The following USP13 variants were observed in gnomAD, a reference collection of about 807,000 sequenced individuals.
USP13 encodes ubiquitin specific peptidase 13, also known as ubiquitin carboxyl-terminal hydrolase 13.
USP13 carries 68 observed loss-of-function variants against 107.8 expected under a neutral mutation model. The ratio of observed to expected loss-of-function variants is 0.63; its 90% CI spans 0.52 to 0.77. The LOEUF (loss-of-function observed/expected upper bound fraction) is 0.77. Among genes scored for constraint, USP13 ranks in the 30% least tolerant of loss-of-function variants. The pLI, the probability that USP13 is intolerant of heterozygous loss-of-function variation, is 0.00. For missense variants in USP13, 945 were observed against 1,093.3 expected, an observed-to-expected ratio of 0.86 and a Z score of 1.91; for synonymous variants, 377 against 389.5, an observed-to-expected ratio of 0.97 and a Z score of 0.38.
intron 6 of USP13, among the ~76,000 whole-genome samples, chr3:179,712,195 T>G (rs1010614368): frequency 6.6e-6 from 1 of 152,246 alleles, no homozygotes; most frequent in African/African-American, 2.4e-5. Flanking sequence ...ATCTTTCGTT[T>G]TCTAGAAGCT....
At position 179,776,435 on chromosome 3, in the gene USP13, A is replaced by G. The variant is rs113448056; in HGVS notation, c.2414-5304A>G. 5.7e-3 allele frequency among the ~76,000 whole-genome samples: 874 copies of G among 152,308 alleles called. 4 individuals are homozygous for G. The highest frequency in any genetic ancestry group is 9.3e-3 in the Non-Finnish European group (633 of 68,032). ...ACTCTTTTTAAACAGTCCTTTCTCA[A>G]ATAACAAAATCAAAGAGTACAATTG... On this transcript the variant is annotated intron_variant, in intron 19 of 20. Coordinates refer to ENST00000263966, the MANE Select transcript of USP13 (RefSeq NM_003940.3).
chr3:179,764,881 A>C (rs1042074874), intron 18 of USP13, among the ~76,000 whole-genome samples: 1 of 152,186 alleles, frequency 6.6e-6, no homozygotes, highest in Admixed American at 6.5e-5. Flanking sequence ...TCCGTTGCTG[A>C]GGTCACAGTG....
In USP13 at chr3:179,690,228, G is replaced by A; in HGVS notation, c.295-13G>A. 6.2e-7 allele frequency: 1 copy of A among 1,611,820 alleles called. No homozygotes were observed. Among genetic ancestry groups the A allele is most frequent in the Middle Eastern group, 1.7e-4 (1 of 6,046 alleles). ...ATAGGCCGCATTTTAATGATCTTTT[G>A]TTTTCTTTTCAGAAGGTAAGAGGGG... On this transcript the variant is annotated splice_polypyrimidine_tract_variant and intron_variant, in intron 2 of 20. Transcript: ENST00000263966.
intron 8 of USP13, among the ~76,000 whole-genome samples, chr3:179,729,849 T>C (rs1332872773): frequency 4.6e-5 from 7 of 152,212 alleles, no homozygotes; most frequent in Admixed American, 4.6e-4. Context: ...CGTGTTAGAA[T>C]CACTCAGGGA....
rs1715972064 is a variant in USP13, at chr3:179,788,447, A to G, written c.*4306A>G. On this transcript the variant is annotated 3_prime_UTR_variant, in exon 21 of 21. Coordinates refer to ENST00000263966, the MANE Select transcript of USP13 (RefSeq NM_003940.3). ...TGGCAGTCAACAGCCATATGTGGCG[A>G]TGACTACTCAAAGTTTGGCTTGTTC... 6.6e-6 allele frequency: 1 copy of G among 152,196 alleles called. No homozygotes were observed. The highest frequency in any genetic ancestry group is 1.5e-5 in the Non-Finnish European group (1 of 68,034). 9.4% of individuals were successfully genotyped at this position (152,196 alleles called of 1,614,324 possible). A position where few individuals can be genotyped will look rare whatever the true frequency, so the allele number is the denominator to read the frequency against.
chr3:179,665,284 T>C (rs1720555413), intron 1 of USP13, among the ~76,000 whole-genome samples: 1 of 152,178 alleles, frequency 6.6e-6, no homozygotes, highest in South Asian at 2.1e-4. Flanking sequence ...TTCAAGTGTC[T>C]ATTATGGAAA....
rs1258832112 is a variant in USP13 at position 179,727,915 on chromosome 3, A to T, written c.1089-2274A>T. ...CACCTCCCGGACGGGGCGGCTGGCCAGGTGGGGGGCTGACCCCCCCACCTC... is the reference window on the plus strand; with the variant it reads ...CACCTCCCGGACGGGGCGGCTGGCCTGGTGGGGGGCTGACCCCCCCACCTC... On this transcript the variant is annotated intron_variant, in intron 8 of 20. Transcript: ENST00000263966. 4.2e-4 allele frequency among the ~76,000 whole-genome samples: 15 copies of T among 36,082 alleles called. 1 individual carries two copies. The highest frequency in any genetic ancestry group is 4.1e-4 in the African/African-American group (5 of 12,322). The allele number at this position is 36,082 out of a possible 152,430, so 23.7% of individuals were successfully genotyped here.
chr3:179,728,265 C>G (rs1344458859), intron 8 of USP13, among the ~76,000 whole-genome samples: 2 of 148,560 alleles, frequency 1.3e-5, no homozygotes, highest in African/African-American at 4.9e-5. Context: ...ACTTCCCAGA[C>G]GGGGCAGTTG....
chr3:179,707,510 T>C (rs1247596697), intron 5 of USP13, among the ~76,000 whole-genome samples: 1 of 152,212 alleles, frequency 6.6e-6, no homozygotes, highest in Non-Finnish European at 1.5e-5. Context: ...CCATGTGGCC[T>C]GAGCCCCAGT....
chr3:179,778,489 C>T (rs1715622255), intron 19 of USP13, among the ~76,000 whole-genome samples: 1 of 152,172 alleles, frequency 6.6e-6, no homozygotes, highest in Admixed American at 6.5e-5. Flanking sequence ...GGTGGCTGGG[C>T]ATGGTGGCTC....
rs1218818627 is a variant in USP13 at position 179,781,755 on chromosome 3, A to G, written c.2430A>G (p.Ala810=). 6.2e-7 allele frequency: 1 copy of G among 1,614,076 alleles called. No individual in the cohort carries two copies. ...KDGSGTYELF[A]FISHMGTSTM... is the part of the protein sequence containing the mutation. The stretch of plus-strand genomic sequence containing the variant: ...CTTTCACAGCATATGAGCTATTTGC[A>G]TTCATCAGTCACATGGGAACATCCA... The change falls in exon 20 of 21, where the codon GCA becomes GCG. Residue 810 remains alanine, a synonymous_variant. Coordinates refer to ENST00000263966, the MANE Select transcript of USP13 (RefSeq NM_003940.3).
chr3:179,719,536 C>T (rs1307439489), intron 6 of USP13, among the ~76,000 whole-genome samples: 2 of 152,150 alleles, frequency 1.3e-5, no homozygotes, highest in African/African-American at 4.8e-5. Flanking sequence ...CGGAGGTCCC[C>T]CCTGCCGTGG....
At chr3:179,657,736 C>T (rs1383258237) in intron 1 of USP13, among the ~76,000 whole-genome samples, 8 of 135,896 alleles carry the variant, frequency 5.9e-5, no homozygotes, top group Admixed American at 4.6e-4. Flanking sequence ...TGCACTCCAG[C>T]CTGGTGACAG....
intron 6 of USP13, among the ~76,000 whole-genome samples, chr3:179,712,532 A>G (rs1299802243): frequency 6.6e-6 from 1 of 152,108 alleles, no homozygotes; most frequent in Non-Finnish European, 1.5e-5. Flanking sequence ...ATCATACTGT[A>G]TAAAGTTTTA....
chr3:179,728,787 C>T (rs565429968), intron 8 of USP13, among the ~76,000 whole-genome samples: 5 of 152,254 alleles, frequency 3.3e-5, no homozygotes, highest in African/African-American at 1.2e-4. Flanking sequence ...GGAGACCGGC[C>T]GGGCCAACAC....
chr3:179,752,348 T>G lies in USP13; in HGVS notation c.1773T>G (p.Gly591=). 1 of 1,614,166 alleles carries G rather than the reference T, an allele frequency of 6.2e-7. No individual in the cohort carries two copies. Among genetic ancestry groups the G allele is most frequent in the Non-Finnish European group, 8.5e-7 (1 of 1,180,018 alleles). Residue 591 remains glycine (G), a synonymous_variant, in exon 14 of 21, where the codon GGT becomes GGG. Coordinates refer to ENST00000263966, the MANE Select transcript of USP13 (RefSeq NM_003940.3). ...TGCAGATAAAGAAGTTCACTTTTGG[T>G]CTTGACTGGGTTCCCAAAAAATTTG... ...LVVQIKKFTF[G]LDWVPKKFDV... is the part of the protein sequence containing the mutation.
At position 179,754,728 on chromosome 3, in the gene USP13, G is replaced by T. The variant is rs74710569; in HGVS notation, c.1799-4G>T. 6.2e-7 allele frequency: 1 copy of T among 1,611,298 alleles called. No individual in the cohort carries two copies. On this transcript the variant is annotated splice_polypyrimidine_tract_variant and splice_region_variant and intron_variant, in intron 14 of 20. Coordinates refer to ENST00000263966, the MANE Select transcript of USP13 (RefSeq NM_003940.3). ...CAGTGGATATAATCTCTCTCATTTT[G>T]CAGATGTTTCTATTGATATGCCAGA...
In USP13 at chr3:179,681,934, A is replaced by C; in HGVS notation, c.225A>C (p.Glu75Asp). The change falls in exon 2 of 21, where the codon GAA becomes GAC. Residue 75 changes from glutamate to aspartate, a missense_variant. Coordinates refer to ENST00000263966, the MANE Select transcript of USP13 (RefSeq NM_003940.3). ...CMNTFLAFGR[E>D]HVERHFRKTG... The stretch of plus-strand genomic sequence containing the variant: ...ATACATTTTTGGCCTTTGGAAGGGA[A>C]CATGTTGAAAGACATTTTCGAAAAA... The C allele has an allele frequency of 6.2e-7, 1 of 1,614,108 alleles. No individual in the cohort carries two copies. Among genetic ancestry groups the C allele is most frequent in the Non-Finnish European group, 8.5e-7 (1 of 1,179,990 alleles).
chr3:179,706,342 C>G (rs1406510325), intron 4 of USP13, among the ~76,000 whole-genome samples: 1 of 152,186 alleles, frequency 6.6e-6, no homozygotes, highest in Non-Finnish European at 1.5e-5. Flanking sequence ...TTCCTCCTCC[C>G]CTGTGGTCAG....
Sources: gnomAD v4.1 joint callset for allele counts (sites outside exome capture counted in the v4.1 genomes callset) on GRCh38, gnomAD v4.1.1 for gene constraint, MANE v1.5 for transcripts, NCBI Gene and HGNC (gene_info 2026-07-23, HGNC 2026-07-21) for gene names.